PEBP4: variants seen among roughly 807,000 people sequenced by gnomAD.
PEBP4 encodes the protein phosphatidylethanolamine-binding protein 4.
A neutral mutation model predicts 23.9 loss-of-function variants in PEBP4; 22 were observed. The observed-to-expected ratio is 0.92, with a 90% CI of 0.66 to 1.31. The LOEUF (loss-of-function observed/expected upper bound fraction) is 1.31, where lower values mean the gene tolerates loss of function less well. Among genes scored for constraint, PEBP4 ranks in the 40% most tolerant of loss-of-function variants. The probability of loss-of-function intolerance (pLI) is 0.00; values close to 1 mark genes in which losing one functional copy is unlikely to be tolerated. For synonymous variants in PEBP4, 112 were observed against 99.3 expected (o/e 1.13, Z -0.76); for missense variants, 324 against 281.7 (o/e 1.15, Z -1.07).
intron 4 of PEBP4, among the ~76,000 whole-genome samples, chr8:22,794,262 A>G (rs1806196933): frequency 6.6e-6 from 1 of 151,432 alleles, no homozygotes; most frequent in African/African-American, 2.4e-5. Context: ...CTTATTTCTT[A>G]CTTCTTTCAA....
At chr8:22,891,593 C>T (rs1212182496) in intron 3 of PEBP4, among the ~76,000 whole-genome samples, 1 of 152,188 alleles carries the variant, frequency 6.6e-6, no homozygotes, top group Non-Finnish European at 1.5e-5. Flanking sequence ...ATTCAGGGTC[C>T]TGTGGGCAAA....
At chr8:22,770,714 C>T (rs1371545365) in intron 4 of PEBP4, among the ~76,000 whole-genome samples, 1 of 152,246 alleles carries the variant, frequency 6.6e-6, no homozygotes, top group Non-Finnish European at 1.5e-5. Flanking sequence ...GCCTCCATCC[C>T]ACCTCTCCTT....
At chr8:22,779,269 C>T (rs1585267941) in intron 4 of PEBP4, among the ~76,000 whole-genome samples, 1 of 152,160 alleles carries the variant, frequency 6.6e-6, no homozygotes, top group African/African-American at 2.4e-5. Context: ...TTCCAAAAAC[C>T]TCTGATGTAC....
intron 3 of PEBP4, among the ~76,000 whole-genome samples, chr8:22,830,482 A>G (rs560303572): frequency 1.4e-4 from 22 of 152,280 alleles, no homozygotes; most frequent in Admixed American, 1.2e-3. Context: ...CCTCCGACTC[A>G]GGAACATCAA....
chr8:22,757,023 G>A (rs1353073716), intron 4 of PEBP4: 2 of 152,270 alleles, frequency 1.3e-5, no homozygotes, highest in Non-Finnish European at 2.9e-5. Context: ...AAGGGCACAG[G>A]TGGAGGACGT....
At chr8:22,890,393 G>T (rs1269017491) in intron 3 of PEBP4, among the ~76,000 whole-genome samples, 1 of 152,224 alleles carries the variant, frequency 6.6e-6, no homozygotes, top group Non-Finnish European at 1.5e-5. Context: ...AGAATTTTAG[G>T]AACTTTATGT....
intron 4 of PEBP4, among the ~76,000 whole-genome samples, chr8:22,805,335 TTTTGTTTTGAGACCGAG>T (rs1181178101): frequency 6.6e-6 from 1 of 152,030 alleles, no homozygotes; most frequent in Non-Finnish European, 1.5e-5. Context: ...TTTTGTTTTG[TTTTGTTTTGAGACCGAG>T]TTTTGCTCTT....
At chr8:22,740,882 G>C (rs997161762) in intron 4 of PEBP4, among the ~76,000 whole-genome samples, 2 of 152,154 alleles carry the variant, frequency 1.3e-5, no homozygotes, top group African/African-American at 4.8e-5. Flanking sequence ...GCTATTCTGA[G>C]CCTTGAAGTT....
At position 22,834,268 on chromosome 8, in the gene PEBP4, C is replaced by T. The variant is rs549418679; in HGVS notation, c.259-16533G>A. On this transcript the variant is annotated intron_variant, in intron 3 of 6. Coordinates refer to ENST00000256404, the MANE Select transcript of PEBP4 (RefSeq NM_144962.3). ...GGGAAATCTAGTTAAGAGCCTTCTT[C>T]CTGGGGGAGGTTGAGTGTAACAGCT... 3.4e-4 allele frequency among the ~76,000 whole-genome samples: 52 copies of T among 152,350 alleles called. 1 individual carries two copies. The highest frequency in any genetic ancestry group is 3.7e-4 in the Non-Finnish European group (25 of 68,028).
At chr8:22,894,238 G>T (rs2128775320) in intron 3 of PEBP4, among the ~76,000 whole-genome samples, 1 of 152,256 alleles carries the variant, frequency 6.6e-6, no homozygotes, top group African/African-American at 2.4e-5. Context: ...TCTGCCAGAA[G>T]TGGGAAAAGT....
At chr8:22,801,935 CTG>C (rs953456251) in intron 4 of PEBP4, among the ~76,000 whole-genome samples, 1 of 152,152 alleles carries the variant, frequency 6.6e-6, no homozygotes, top group Admixed American at 6.5e-5. Flanking sequence ...TGTTCATCAA[CTG>C]AGACAAGAAA....
intron 4 of PEBP4, among the ~76,000 whole-genome samples, chr8:22,803,293 G>C (rs976053770): frequency 1.3e-5 from 2 of 152,110 alleles, no homozygotes; most frequent in Non-Finnish European, 2.9e-5. Context: ...CAAATATCAC[G>C]TTCGTATCCC....
At chr8:22,862,022 A>G (rs2128768814) in intron 3 of PEBP4, among the ~76,000 whole-genome samples, 1 of 152,302 alleles carries the variant, frequency 6.6e-6, no homozygotes, top group South Asian at 2.1e-4. Flanking sequence ...GCTAGCACCA[A>G]GCGAGTGATG....
chr8:22,731,730 C>G (rs1804740800), intron 4 of PEBP4, among the ~76,000 whole-genome samples: 1 of 151,954 alleles, frequency 6.6e-6, no homozygotes, highest in South Asian at 2.1e-4. Context: ...ACGATCTCGG[C>G]TCACTGCAAC....
At chr8:22,920,461 T>C in intron 2 of PEBP4, 151 bp from the exon 3 acceptor site, 1 of 894,434 alleles carries the variant, frequency 1.1e-6, no homozygotes, top group African/African-American at 1.7e-5. Flanking sequence ...GAAGAGTTAC[T>C]TGACCTCCTT....
At chr8:22,925,512 G>A (rs1301895111) in intron 2 of PEBP4, among the ~76,000 whole-genome samples, 1 of 152,190 alleles carries the variant, frequency 6.6e-6, no homozygotes, top group East Asian at 1.9e-4. Flanking sequence ...TTGTAGGTTC[G>A]TTACTGACAG....
intron 4 of PEBP4, among the ~76,000 whole-genome samples, chr8:22,785,011 G>A (rs1488954484): frequency 6.6e-6 from 1 of 152,178 alleles, no homozygotes; most frequent in Non-Finnish European, 1.5e-5. Flanking sequence ...CACGGTTTGC[G>A]CATGTGAGCT....
At chr8:22,726,306 T>C (rs66826887) in intron 5 of PEBP4, among the ~76,000 whole-genome samples, 31,458 of 152,180 alleles carry the variant, frequency 0.21, 3,713 homozygotes, top group Non-Finnish European at 0.26. Context: ...CAAGTCAGTG[T>C]GGGCAAGATG....
At chr8:22,751,508 T>G (rs185963349) in intron 4 of PEBP4, among the ~76,000 whole-genome samples, 42 of 151,910 alleles carry the variant, frequency 2.8e-4, no homozygotes, top group Non-Finnish European at 5.0e-4. Flanking sequence ...TTCTCCTAAA[T>G]CGGTGGTAGA....
Sources: gnomAD v4.1 joint callset for allele counts (sites outside exome capture counted in the v4.1 genomes callset) on GRCh38, gnomAD v4.1.1 for gene constraint, MANE v1.5 for transcripts, NCBI Gene and HGNC (gene_info 2026-07-23, HGNC 2026-07-21) for gene names.